Variants in ABLIM2 observed in about 807,000 individuals in gnomAD.
The protein encoded by ABLIM2 is actin binding LIM protein family member 2, also known as actin-binding LIM protein 2.
ABLIM2 carries 53 observed loss-of-function variants against 97.7 expected under a neutral mutation model. The ratio of observed to expected loss-of-function variants is 0.54; its 90% CI spans 0.44 to 0.68. The LOEUF is 0.68. Among genes scored for constraint, ABLIM2 ranks in the 30% least tolerant of loss-of-function variants. ABLIM2 has a pLI of 0.00. For missense variants in ABLIM2, 835 were observed against 867.2 expected (o/e 0.96, Z 0.47); for synonymous variants, 361 against 345.8 (o/e 1.04, Z -0.49).
rs529008714 is a variant in ABLIM2, at chr4:7,996,858, C to T, written c.1619-3931G>A. On this transcript the variant is annotated intron_variant, in intron 16 of 20. Coordinates refer to ENST00000447017, the MANE Select transcript of ABLIM2 (RefSeq NM_001130083.2). The surrounding 1 kb of genome is among the most constrained non-coding windows in gnomAD (Gnocchi z 4.5). ...TGGCTTCTGATGAGAAATCTGCTAT[C>T]GCTTGAATTGGTGTTTCCCCTCTGT... 1.1e-3 allele frequency among the ~76,000 whole-genome samples: 167 copies of T among 152,272 alleles called. 2 individuals carry two copies. The highest frequency in any genetic ancestry group is 3.6e-3 in the African/African-American group (149 of 41,562).
chr4:8,079,017 G>A (rs1372374326), intron 5 of ABLIM2, among the ~76,000 whole-genome samples: 10 of 152,242 alleles, frequency 6.6e-5, no homozygotes, highest in African/African-American at 1.4e-4. Flanking sequence ...CCCAGCTCAC[G>A]TTCTTTTCCT....
rs368016792 is a variant in ABLIM2, at chr4:8,149,564, C to A, written c.10+9116G>T. Among the ~76,000 whole-genome samples, 16 of 151,880 alleles carry A rather than the reference C, an allele frequency of 1.1e-4. No homozygotes were observed. The East Asian group carries it at 2.0e-3, about 19-fold the overall frequency. ...AAAGCTTCACAGAGGCCCTGGAGTC[C>A]GGCAGAGCCTTGAAAGGGAGAGGAG... On this transcript the variant is annotated intron_variant, in intron 1 of 20. Coordinates refer to ENST00000447017, the MANE Select transcript of ABLIM2 (RefSeq NM_001130083.2). The surrounding 1 kb of genome is among the most constrained non-coding windows in gnomAD (Gnocchi z 6.4).
At position 8,046,343 on chromosome 4, in the gene ABLIM2, G is replaced by A. The variant is rs1170156551; in HGVS notation, c.823-1102C>T. On this transcript the variant is annotated intron_variant, in intron 8 of 20. Transcript: ENST00000447017. This position sits in a 1 kb window ranked among gnomAD's most constrained non-coding sequence, Gnocchi z 4.4. ...CAGGGCAGGGGCCTCTCCTGGTTCA[G>A]CTCTCACTGGAGCTGCACACCCCTC... Among the ~76,000 whole-genome samples, 7 of 151,984 alleles carry A rather than the reference G, an allele frequency of 4.6e-5. No homozygotes were observed.
At chr4:8,038,182 G>A (rs558123800) in intron 9 of ABLIM2, among the ~76,000 whole-genome samples, 1 of 152,134 alleles carries the variant, frequency 6.6e-6, no homozygotes, top group Admixed American at 6.5e-5. Flanking sequence ...GCCACAAAGG[G>A]GTGCTCACAG....
chr4:8,002,354 C>T lies in ABLIM2; in HGVS notation c.1618+5705G>A, dbSNP rs1204957119. Among the ~76,000 whole-genome samples the T allele has an allele frequency of 6.6e-6, 1 of 152,226 alleles. No homozygotes were observed. The highest frequency in any genetic ancestry group is 1.5e-5 in the Non-Finnish European group (1 of 68,038). On this transcript the variant is annotated intron_variant, in intron 16 of 20. Transcript: ENST00000447017. This position sits in a 1 kb window ranked among gnomAD's most constrained non-coding sequence, Gnocchi z 6.1. The stretch of plus-strand genomic sequence containing the variant: ...TCTTTGATTCCGTCACCCCCGCAGC[C>T]AGTGGTTCCTGAGCTGCCACCATGT...
chr4:8,083,470 G>A lies in ABLIM2; in HGVS notation c.455-2668C>T, dbSNP rs1418838219. Among the ~76,000 whole-genome samples, 1 of 152,102 alleles carries A rather than the reference G, an allele frequency of 6.6e-6. No homozygotes were observed. Among genetic ancestry groups the A allele is most frequent in the Non-Finnish European group, 1.5e-5 (1 of 68,012 alleles). On this transcript the variant is annotated intron_variant, in intron 4 of 20. Transcript: ENST00000447017. The surrounding 1 kb of genome is among the most constrained non-coding windows in gnomAD (Gnocchi z 4.6). ...CCGCCACTCTGCCTCCTACCATATT[G>A]GCCGGCGCCCTCCCCTGCCAAGAAG...
intron 16 of ABLIM2, chr4:8,007,044 T>C: frequency 1.0e-6 from 1 of 985,422 alleles, no homozygotes; most frequent in Non-Finnish European, 1.2e-6. Flanking sequence ...TTAAAGTGAT[T>C]CTTTAACACA....
chr4:8,128,954 G>C lies in ABLIM2; in HGVS notation c.11-22317C>G, dbSNP rs1312089946. Among the ~76,000 whole-genome samples the C allele has an allele frequency of 6.6e-6, 1 of 152,066 alleles. No homozygotes were observed. Among genetic ancestry groups the C allele is most frequent in the Non-Finnish European group, 1.5e-5 (1 of 68,008 alleles). On this transcript the variant is annotated intron_variant, in intron 1 of 20. Transcript: ENST00000447017. The surrounding 1 kb of genome is among the most constrained non-coding windows in gnomAD (Gnocchi z 4.9). ...GCCTCCAGAACTGAGAAAAATAAAT[G>C]TCTATTATTCAGAAGCCACCAGTCT...
chr4:8,041,609 A>AG (rs113458557), intron 9 of ABLIM2, among the ~76,000 whole-genome samples: 14 of 152,212 alleles, frequency 9.2e-5, no homozygotes, highest in African/African-American at 3.4e-4. Context: ...TTTAAAAAAA[A>AG]AAAAAAAAAG....
chr4:8,091,575 T>TTTATATA lies in ABLIM2; in HGVS notation c.339-3298_339-3292dup, dbSNP rs565676090. ...TATAATTATATATATTATATATAAT[T>TTTATATA]TTATATAAAATTATATATATAATTA... is the stretch of plus-strand genomic sequence containing the variant. On this transcript the variant is annotated intron_variant, in intron 3 of 20. Transcript: ENST00000447017. 4.5e-4 allele frequency among the ~76,000 whole-genome samples: 15 copies of TTTATATA among 33,162 alleles called. 2 individuals are homozygous for TTTATATA. The East Asian group carries it at 4.8e-3, about 11-fold the overall frequency. The allele number at this position is 33,162 out of a possible 152,430, so 21.8% of individuals were successfully genotyped here.
chr4:7,984,954 C>T (rs909926084), intron 17 of ABLIM2, 61 bp from the exon 18 acceptor site: 1 of 1,557,408 alleles, frequency 6.4e-7, no homozygotes, highest in Non-Finnish European at 8.7e-7. Context: ...TGTGGATGGG[C>T]AGGGACCAGG....
chr4:7,991,838 G>A (rs1748994866), intron 17 of ABLIM2, among the ~76,000 whole-genome samples: 1 of 152,138 alleles, frequency 6.6e-6, no homozygotes, highest in South Asian at 2.1e-4. Context: ...GAGAACAAAT[G>A]CCAGCCCAAG....
chr4:8,036,949 C>G (rs955786197), intron 9 of ABLIM2, among the ~76,000 whole-genome samples: 2 of 152,096 alleles, frequency 1.3e-5, no homozygotes, highest in African/African-American at 4.8e-5. Flanking sequence ...TCCCCAAATC[C>G]TCATATGCTC....
intron 9 of ABLIM2, 23 bp downstream of exon 9, chr4:8,045,141 C>T: frequency 6.2e-7 from 1 of 1,608,890 alleles, no homozygotes; most frequent in Non-Finnish European, 8.5e-7. Flanking sequence ...CACCGCCGTC[C>T]CCATAAAAAG....
chr4:8,122,503 G>A lies in ABLIM2; in HGVS notation c.11-15866C>T, dbSNP rs1462976786. Among the ~76,000 whole-genome samples, 2 of 152,182 alleles carry A rather than the reference G, an allele frequency of 1.3e-5. No homozygotes were observed. The highest frequency in any genetic ancestry group is 1.9e-4 in the East Asian group (1 of 5,186). ...GCTTGCAGACAGCCGCCTTCTTACTGTGTCCTCACAAGGCAGAGAGCGCGC... is the reference window on the plus strand; with the variant it reads ...GCTTGCAGACAGCCGCCTTCTTACTATGTCCTCACAAGGCAGAGAGCGCGC... On this transcript the variant is annotated intron_variant, in intron 1 of 20. Coordinates refer to ENST00000447017, the MANE Select transcript of ABLIM2 (RefSeq NM_001130083.2). This position sits in a 1 kb window ranked among gnomAD's most constrained non-coding sequence, Gnocchi z 4.1.
chr4:8,116,938 A>T (rs1843042675), intron 1 of ABLIM2, among the ~76,000 whole-genome samples: 1 of 152,226 alleles, frequency 6.6e-6, no homozygotes, highest in Non-Finnish European at 1.5e-5. Context: ...TATGCATTTT[A>T]TCTCTGCTCA....
chr4:8,081,509 C>T (rs1379836672), intron 4 of ABLIM2, among the ~76,000 whole-genome samples: 2 of 152,224 alleles, frequency 1.3e-5, no homozygotes, highest in Non-Finnish European at 2.9e-5. Context: ...CAGCCAGCAT[C>T]ATGGGCATGC....
chr4:8,106,707 G>A (rs1289638601), intron 1 of ABLIM2, 70 bp from the exon 2 acceptor site: 50 of 1,516,108 alleles, frequency 3.3e-5, no homozygotes, highest in Middle Eastern at 1.8e-4. Context: ...CAAAGCAGGC[G>A]TGTGAGGACG....
In ABLIM2 at chr4:7,965,426, G is replaced by C. The variant is rs749285995; in HGVS notation, c.*1564C>G. On this transcript the variant is annotated 3_prime_UTR_variant, in exon 21 of 21. Coordinates refer to ENST00000447017, the MANE Select transcript of ABLIM2 (RefSeq NM_001130083.2). ...TTCCAGTTGCTCAGGCTCAGATTGCGCAATGGCAGGAAGCATATTAGGTGC... is the reference window on the plus strand; with the variant it reads ...TTCCAGTTGCTCAGGCTCAGATTGCCCAATGGCAGGAAGCATATTAGGTGC... 1.3e-5 allele frequency: 2 copies of C among 152,570 alleles called. No individual in the cohort carries two copies. Among genetic ancestry groups the C allele is most frequent in the African/African-American group, 2.4e-5 (1 of 41,422 alleles). The allele number at this position is 152,570 out of a possible 1,614,324, so 9.5% of individuals were successfully genotyped here. A position where few individuals can be genotyped will look rare whatever the true frequency, so the allele number is the denominator to read the frequency against.
Sources: gnomAD v4.1 joint callset for allele counts (sites outside exome capture counted in the v4.1 genomes callset) on GRCh38, gnomAD v4.1.1 for gene constraint, Gnocchi (gnomAD v3.1) non-coding constraint, MANE v1.5 for transcripts, NCBI Gene and HGNC (gene_info 2026-07-23, HGNC 2026-07-21) for gene names.